Variants in MTCL2 observed in about 807,000 individuals in gnomAD.
MTCL2 encodes the protein microtubule crosslinking factor 2.
the MTCL2 span, among the ~76,000 whole-genome samples, chr20:36,789,942 TG>T: frequency 6.6e-6 from 1 of 151,340 alleles, no homozygotes; most frequent in African/African-American, 2.4e-5. Flanking sequence ...ATCACCCAAG[TG>T]GCTGGAACTG....
chr20:36,782,052 C>G, the MTCL2 span: 22 of 152,182 alleles, frequency 1.4e-4, no homozygotes, highest in African/African-American at 5.3e-4. Context: ...TGGCCAGGCT[C>G]GAACTCCTGA....
chr20:36,792,553 A>C, the MTCL2 span, among the ~76,000 whole-genome samples: 2 of 151,468 alleles, frequency 1.3e-5, no homozygotes, highest in East Asian at 3.9e-4. Context: ...AGAGATGCTG[A>C]CAATTGGCTC....
chr20:36,852,890 CTACTAAAAA>C, the MTCL2 span, among the ~76,000 whole-genome samples: 206 of 152,162 alleles, frequency 1.4e-3, no homozygotes, highest in African/African-American at 4.8e-3. Flanking sequence ...AACCCCGTCT[CTACTAAAAA>C]TACAAAAATT....
the MTCL2 span, chr20:36,793,838 C>T: frequency 7.8e-6 from 12 of 1,544,648 alleles, no homozygotes; most frequent in South Asian, 7.1e-5. This position sits in a 1 kb window ranked among gnomAD's most constrained non-coding sequence, Gnocchi z 6.8. Flanking sequence ...CTGCTTGCTG[C>T]GCACAGACAC....
chr20:36,790,496 G>A, the MTCL2 span, among the ~76,000 whole-genome samples: 2 of 142,624 alleles, frequency 1.4e-5, no homozygotes, highest in South Asian at 4.4e-4. Context: ...GTGCAGTGGC[G>A]TGGTCTCAGC....
At chr20:36,790,539 A>G in the MTCL2 span, among the ~76,000 whole-genome samples, 1 of 149,268 alleles carries the variant, frequency 6.7e-6, no homozygotes, top group Non-Finnish European at 1.5e-5. Flanking sequence ...GCTTCAAGCA[A>G]TTCTCCTGCC....
the MTCL2 span, among the ~76,000 whole-genome samples, chr20:36,809,133 A>G: frequency 1.3e-5 from 2 of 152,150 alleles, no homozygotes; most frequent in Non-Finnish European, 2.9e-5. Flanking sequence ...ATGACTAGGC[A>G]ACACCCTAGG....
the MTCL2 span, chr20:36,802,997 G>A: frequency 1.2e-5 from 19 of 1,596,340 alleles, no homozygotes; most frequent in South Asian, 4.5e-5. Context: ...CCATGACAGC[G>A]CTGTAGGACT....
chr20:36,799,433 G>A, the MTCL2 span, among the ~76,000 whole-genome samples: 1 of 151,788 alleles, frequency 6.6e-6, no homozygotes, highest in East Asian at 1.9e-4. Flanking sequence ...CAGAGGTTGC[G>A]GTGAGCCAAG....
chr20:36,788,593 G>A, the MTCL2 span, among the ~76,000 whole-genome samples: 6 of 151,438 alleles, frequency 4.0e-5, no homozygotes, highest in East Asian at 5.9e-4. Flanking sequence ...AGCCAAGATC[G>A]TGCCACTGCA....
chr20:36,804,424 G>A, the MTCL2 span, among the ~76,000 whole-genome samples: 58 of 152,300 alleles, frequency 3.8e-4, no homozygotes, highest in Middle Eastern at 6.8e-3. Flanking sequence ...TTGGGGCTGA[G>A]GGAGTGCTTA....
At chr20:36,812,765 G>A in the MTCL2 span, 5 of 1,613,806 alleles carry the variant, frequency 3.1e-6, no homozygotes, top group Non-Finnish European at 4.2e-6. Context: ...GCTGGGGTCG[G>A]GCTTAGAGTC....
the MTCL2 span, chr20:36,785,781 C>T: frequency 1.0e-6 from 1 of 985,522 alleles, no homozygotes; most frequent in Non-Finnish European, 1.2e-6. Flanking sequence ...AATCACTCCC[C>T]AACCCTGAGC....
chr20:36,828,765 G>C, the MTCL2 span: 1 of 364,802 alleles, frequency 2.7e-6, no homozygotes, highest in Non-Finnish European at 5.0e-6. Context: ...TCCCACAGCG[G>C]CTGTGGTTCT....
At chr20:36,829,135 C>G in the MTCL2 span, 3 of 1,596,584 alleles carry the variant, frequency 1.9e-6, no homozygotes, top group East Asian at 2.3e-5. Context: ...GCTCTTCGTT[C>G]TCCTCCTCCA....
At chr20:36,863,448 G>A in the MTCL2 span, 2 of 854,772 alleles carry the variant, frequency 2.3e-6, no homozygotes, top group Middle Eastern at 4.7e-4. The surrounding 1 kb of genome is among the most constrained non-coding windows in gnomAD (Gnocchi z 6.2). Context: ...CTGGGGCTGC[G>A]GCTGCTCTCG....
chr20:36,796,988 G>A, the MTCL2 span: 1 of 1,596,408 alleles, frequency 6.3e-7, no homozygotes, highest in Non-Finnish European at 8.6e-7. Context: ...GTCAGTTCTG[G>A]CCACCAGAGC....
chr20:36,812,746 G>A, the MTCL2 span: 1 of 1,614,000 alleles, frequency 6.2e-7, no homozygotes, highest in South Asian at 1.1e-5. Flanking sequence ...GGTAAGGCCT[G>A]AAGCTCCGGC....
At chr20:36,855,279 A>C in the MTCL2 span, among the ~76,000 whole-genome samples, 4 of 152,342 alleles carry the variant, frequency 2.6e-5, no homozygotes, top group South Asian at 8.3e-4. Flanking sequence ...CAGAAAGGGA[A>C]AGCTCAGAAA....
Sources: allele counts gnomAD v4.1 joint callset (sites outside exome capture counted in the v4.1 genomes callset), GRCh38; gene constraint gnomAD v4.1.1; non-coding constraint Gnocchi (gnomAD v3.1); transcripts MANE v1.5; gene names NCBI Gene and HGNC (gene_info 2026-07-23, HGNC 2026-07-21).